The following POMGNT2 variants were observed in gnomAD, a reference collection of about 807,000 sequenced individuals.
POMGNT2 encodes the protein protein O-linked-mannose beta-1,4-N-acetylglucosaminyltransferase 2.
A neutral mutation model predicts 37.8 loss-of-function variants in POMGNT2; 32 were observed. That is an observed-to-expected ratio of 0.85 (90% CI 0.64 to 1.14). The LOEUF (loss-of-function observed/expected upper bound fraction) is 1.14. POMGNT2 is among the 50% of genes most tolerant of loss of function. POMGNT2 has a pLI of 0.00. For synonymous variants in POMGNT2, 340 were observed against 336.8 expected, an observed-to-expected ratio of 1.01 and a Z score of -0.10; for missense variants, 705 against 780.6, an observed-to-expected ratio of 0.90 and a Z score of 1.15.
chr3:43,080,537 G>A lies in POMGNT2; in HGVS notation c.895C>T (p.Leu299Phe), dbSNP rs1406845836. 1.2e-6 allele frequency: 2 copies of A among 1,614,254 alleles called. No individual in the cohort carries two copies. The highest frequency in any genetic ancestry group is 1.1e-5 in the South Asian group (1 of 91,086). ...ILVFSRTQNR[L>F]ILNEAELLLA... ...AGCAGCTCTGCCTCATTCAGAATGA[G>A]TCTGTTCTGGGTTCGGCTAAAGACC... The change falls in exon 2 of 2, where the codon CTC becomes TTC. Residue 299 changes from leucine to phenylalanine, a missense_variant. Transcript: ENST00000344697.
chr3:43,092,744 T>C (rs1270059185), intron 1 of POMGNT2, among the ~76,000 whole-genome samples: 1 of 152,242 alleles, frequency 6.6e-6, no homozygotes, highest in Non-Finnish European at 1.5e-5. Context: ...TCTTTATATA[T>C]TTGTACTCTT....
At chr3:43,105,024 A>G (rs1054190532) in intron 1 of POMGNT2, among the ~76,000 whole-genome samples, 3 of 152,210 alleles carry the variant, frequency 2.0e-5, no homozygotes, top group African/African-American at 7.2e-5. Context: ...ACTAAGTCCT[A>G]TCAAGCTCGC....
Position 43,080,980 on chromosome 3 carries a change from T to C in POMGNT2, c.452A>G (p.Asp151Gly). 1 of 1,614,206 alleles carries C rather than the reference T, an allele frequency of 6.2e-7. No homozygotes were observed. Among genetic ancestry groups the C allele is most frequent in the Non-Finnish European group, 8.5e-7 (1 of 1,180,028 alleles). The change falls in exon 2 of 2, where the codon GAC (aspartate) becomes GGC (glycine). Residue 151 changes from aspartate (D) to glycine (G), a missense_variant. Coordinates refer to ENST00000344697, the MANE Select transcript of POMGNT2 (RefSeq NM_032806.6). ...RFMPKPVFVPDVALIANRFNP... is the reference protein window; with the variant it reads ...RFMPKPVFVPGVALIANRFNP... ...GAAGCGGTTGGCGATGAGGGCCACG[T>C]CTGGCACGAACACCGGCTTGGGCAT...
intron 1 of POMGNT2, among the ~76,000 whole-genome samples, chr3:43,101,893 A>T (rs539600838): frequency 5.8e-4 from 88 of 152,092 alleles, no homozygotes; most frequent in African/African-American, 1.8e-3. Flanking sequence ...TTCCCACACA[A>T]AGTGCACCAT....
chr3:43,094,799 G>A (rs917473666), intron 1 of POMGNT2, among the ~76,000 whole-genome samples: 2 of 152,258 alleles, frequency 1.3e-5, no homozygotes, highest in Admixed American at 6.5e-5. Flanking sequence ...GCAGTGACAA[G>A]GAACTCCCTC....
chr3:43,081,189 G>A lies in POMGNT2; in HGVS notation c.243C>T (p.Phe81=), dbSNP rs373382346. The change falls in exon 2 of 2, where the codon TTC becomes TTT. Residue 81 remains phenylalanine (F), a synonymous_variant. Coordinates refer to ENST00000344697, the MANE Select transcript of POMGNT2 (RefSeq NM_032806.6). Reference sequence around the variant, plus strand: ...CCTCGTTGGAGTAGCAGAGCCACTTGAAGCGGCAGATGCGGTCTGTGTGCG... The same window carrying A: ...CCTCGTTGGAGTAGCAGAGCCACTTAAAGCGGCAGATGCGGTCTGTGTGCG... ...GRTHTDRICR[F]KWLCYSNEAE... 1.2e-6 allele frequency: 2 copies of A among 1,614,208 alleles called. No homozygotes were observed. The highest frequency in any genetic ancestry group is 3.3e-5 in the Admixed American group (2 of 60,034).
In POMGNT2 at chr3:43,080,796, C is replaced by T; in HGVS notation, c.636G>A (p.Lys212=). Residue 212 remains lysine (K), a synonymous_variant, in exon 2 of 2, where the codon AAG becomes AAA. Coordinates refer to ENST00000344697, the MANE Select transcript of POMGNT2 (RefSeq NM_032806.6). ...HFDLYKLLSP[K]QPLLRAQLKT... is the part of the protein sequence containing the mutation. ...TCAGCTGTGCCCGCAGGAGAGGCTGCTTGGGGCTGAGCAGCTTGTAGAGGT... is the reference window on the plus strand; with the variant it reads ...TCAGCTGTGCCCGCAGGAGAGGCTGTTTGGGGCTGAGCAGCTTGTAGAGGT... 8.7e-6 allele frequency: 14 copies of T among 1,614,008 alleles called. No individual in the cohort carries two copies. The highest frequency in any genetic ancestry group is 1.2e-5 in the Non-Finnish European group (14 of 1,179,998).
In POMGNT2 at chr3:43,081,193, C is replaced by T. The variant is rs146511234; in HGVS notation, c.239G>A (p.Arg80His). The change falls in exon 2 of 2, where the codon CGC becomes CAC. Residue 80 changes from arginine (R) to histidine (H), a missense_variant. Arg to His is a conservative substitution (Grantham distance 29). Transcript: ENST00000344697. ...GTTGGAGTAGCAGAGCCACTTGAAG[C>T]GGCAGATGCGGTCTGTGTGCGTGCG... is the stretch of plus-strand genomic sequence containing the variant. ...TGRTHTDRIC[R>H]FKWLCYSNEA... is the part of the protein sequence containing the mutation. 9.8e-4 allele frequency: 1,581 copies of T among 1,614,158 alleles called. 11 individuals carry two copies. The South Asian group carries it at 0.01, about 10-fold the overall frequency.
rs1338214807 is a variant in POMGNT2 at position 43,080,012 on chromosome 3, G to C, written c.1420C>G (p.Gln474Glu). The change falls in exon 2 of 2, where the codon CAG (glutamine) becomes GAG (glutamate). Residue 474 changes from glutamine to glutamate, a missense_variant. Transcript: ENST00000344697. The part of the protein sequence containing the change: ...VVKGRPGPRK[Q>E]KWTVGLYPGK... ...GGATATAGGCCGACTGTCCACTTCT[G>C]CTTCCGTGGTCCTGGCCGGCCCTTC... is the stretch of plus-strand genomic sequence containing the variant. The C allele has an allele frequency of 1.9e-6, 3 of 1,613,796 alleles. No individual in the cohort carries two copies. The highest frequency in any genetic ancestry group is 2.5e-6 in the Non-Finnish European group (3 of 1,180,054).
intron 1 of POMGNT2, among the ~76,000 whole-genome samples, chr3:43,104,382 A>G (rs1221742881): frequency 1.3e-5 from 2 of 152,254 alleles, no homozygotes; most frequent in Admixed American, 6.5e-5. Context: ...ATTTACTAGA[A>G]GGCTTTGTTT....
Position 43,080,065 on chromosome 3 carries a change from G to A in POMGNT2, c.1367C>T (p.Ser456Phe), listed in dbSNP as rs1345236351. ...IYQDTKVDIP[S>F]LIQTIRRVVK... ...CACGCGCCGTATGGTTTGAATGAGG[G>A]ACGGGATGTCCACCTTGGTGTCCTG... The change falls in exon 2 of 2, where the codon TCC (serine) becomes TTC (phenylalanine). Residue 456 changes from serine (S) to phenylalanine (F), a missense_variant. By Grantham distance (155) the Ser-to-Phe change is radical. Coordinates refer to ENST00000344697, the MANE Select transcript of POMGNT2 (RefSeq NM_032806.6). 5.6e-6 allele frequency: 9 copies of A among 1,613,800 alleles called. No homozygotes were observed. Among genetic ancestry groups the A allele is most frequent in the African/African-American group, 2.7e-5 (2 of 74,944 alleles).
intron 1 of POMGNT2, among the ~76,000 whole-genome samples, chr3:43,092,255 T>C (rs1219593521): frequency 6.6e-6 from 1 of 152,222 alleles, no homozygotes; most frequent in Non-Finnish European, 1.5e-5. Flanking sequence ...TTTTAAATTA[T>C]CTATTTTTAA....
At chr3:43,085,707 G>C (rs1424628075) in intron 1 of POMGNT2, among the ~76,000 whole-genome samples, 1 of 152,110 alleles carries the variant, frequency 6.6e-6, no homozygotes, top group African/African-American at 2.4e-5. Context: ...CTAAAACTGA[G>C]GGGTGGAGGA....
intron 1 of POMGNT2, among the ~76,000 whole-genome samples, chr3:43,082,860 A>G (rs1427139009): frequency 1.3e-5 from 2 of 152,246 alleles, no homozygotes; most frequent in Admixed American, 6.5e-5. Context: ...AGTTTGAGAA[A>G]TTATCCCATG....
At chr3:43,100,092 A>G (rs1230650749) in intron 1 of POMGNT2, among the ~76,000 whole-genome samples, 1 of 152,056 alleles carries the variant, frequency 6.6e-6, no homozygotes, top group Non-Finnish European at 1.5e-5. Context: ...AGTTGCATGT[A>G]TAGGACAAAG....
chr3:43,100,546 T>C (rs1276901037), intron 1 of POMGNT2, among the ~76,000 whole-genome samples: 3 of 152,224 alleles, frequency 2.0e-5, no homozygotes, highest in Non-Finnish European at 4.4e-5. Context: ...CAGGCCCCTT[T>C]AGCACTCAAT....
intron 1 of POMGNT2, among the ~76,000 whole-genome samples, chr3:43,089,645 G>C (rs536861334): frequency 1.3e-5 from 2 of 152,282 alleles, no homozygotes; most frequent in Admixed American, 6.5e-5. Context: ...GGGGGGCCTA[G>C]AAGGGAGCGC....
At chr3:43,085,902 T>C (rs79497539) in intron 1 of POMGNT2, among the ~76,000 whole-genome samples, 6,366 of 152,234 alleles carry the variant, frequency 0.042, 209 homozygotes, top group South Asian at 0.15. Context: ...CGGTAGAATA[T>C]ATAGGAGGCA....
chr3:43,079,553 C>T lies in POMGNT2; in HGVS notation c.*136G>A, dbSNP rs1035263747. On this transcript the variant is annotated 3_prime_UTR_variant, in exon 2 of 2. Coordinates refer to ENST00000344697, the MANE Select transcript of POMGNT2 (RefSeq NM_032806.6). ...AGAGGAGTGCTGTGACACCACACCC[C>T]AGAGACAACAAGATGATGTGGAGGC... The T allele has an allele frequency of 3.5e-5, 26 of 750,796 alleles. No homozygotes were observed. The highest frequency in any genetic ancestry group is 3.8e-4 in the Middle Eastern group (1 of 2,622). 46.5% of individuals were successfully genotyped at this position (750,796 alleles called of 1,614,324 possible).
Sources: allele counts gnomAD v4.1 joint callset (sites outside exome capture counted in the v4.1 genomes callset), GRCh38; gene constraint gnomAD v4.1.1; transcripts MANE v1.5; gene names NCBI Gene and HGNC (gene_info 2026-07-23, HGNC 2026-07-21).